XXYLT1: variants seen among roughly 807,000 people sequenced by gnomAD.
XXYLT1 encodes the protein xyloside xylosyltransferase 1.
XXYLT1 carries 20 observed loss-of-function variants against 28.9 expected under a neutral mutation model. The observed-to-expected ratio is 0.69, with a 90% CI of 0.49 to 1.00. XXYLT1 has a LOEUF of 1.00. XXYLT1 is among the 50% of genes least tolerant of loss of function. XXYLT1 has a pLI of 0.00. For missense variants in XXYLT1, 542 were observed against 560.1 expected, an observed-to-expected ratio of 0.97 and a Z score of 0.33; for synonymous variants, 257 against 253.8, an observed-to-expected ratio of 1.01 and a Z score of -0.12.
chr3:195,089,207 TC>T (rs1460688742), intron 3 of XXYLT1, among the ~76,000 whole-genome samples: 1 of 151,566 alleles, frequency 6.6e-6, no homozygotes. Context: ...GAAGAGCAAC[TC>T]CAAGACACAT....
rs938432865 is a variant in XXYLT1 at position 195,129,924 on chromosome 3, A to G, written c.785+26525T>C. Among the ~76,000 whole-genome samples the G allele has an allele frequency of 2.6e-5, 4 of 151,944 alleles. No individual in the cohort carries two copies. The highest frequency in any genetic ancestry group is 4.4e-5 in the Non-Finnish European group (3 of 67,986). On this transcript the variant is annotated intron_variant, in intron 3 of 3. Transcript: ENST00000310380. The surrounding 1 kb of genome is among the most constrained non-coding windows in gnomAD (Gnocchi z 4.4). ...AGCAGCTGTACCACTTCATATTCCC[A>G]CCACCAGTGAGTGCGGGTTCCCATG...
At chr3:195,178,070 C>T (rs1721762410) in intron 2 of XXYLT1, among the ~76,000 whole-genome samples, 1 of 151,572 alleles carries the variant, frequency 6.6e-6, no homozygotes, top group Non-Finnish European at 1.5e-5. Flanking sequence ...TTGTATTAAA[C>T]ATTTGATCTT....
At chr3:195,119,846 G>A (rs1718253281) in intron 3 of XXYLT1, among the ~76,000 whole-genome samples, 1 of 151,784 alleles carries the variant, frequency 6.6e-6, no homozygotes, top group Non-Finnish European at 1.5e-5. Flanking sequence ...AAGAACAATA[G>A]CTGGGGAGCC....
intron 3 of XXYLT1, 26 bp from the exon 4 acceptor site, chr3:195,070,137 TCCGG>T (rs1714719650): frequency 2.0e-6 from 3 of 1,520,176 alleles, no homozygotes; most frequent in East Asian, 2.3e-5. Context: ...ACAGAGTTAG[TCCGG>T]TGTGCAGGGG....
Position 195,212,138 on chromosome 3 carries a change from G to A in XXYLT1, c.652+14571C>T, listed in dbSNP as rs1277833246. On this transcript the variant is annotated intron_variant, in intron 2 of 3. Coordinates refer to ENST00000310380, the MANE Select transcript of XXYLT1 (RefSeq NM_152531.5). ...AGGGGGCAAGCCACGGAATGCCACC[G>A]GGAAGATCTGGAGGAGGAGAGGGGG... 9.5e-4 allele frequency among the ~76,000 whole-genome samples: 125 copies of A among 131,354 alleles called. 1 individual carries two copies. Among genetic ancestry groups the A allele is most frequent in the Middle Eastern group, 5.3e-3 (1 of 188 alleles). The allele number at this position is 131,354 out of a possible 152,430, so 86.2% of individuals were successfully genotyped here. A position where few individuals can be genotyped will look rare whatever the true frequency, so the allele number is the denominator to read the frequency against.
chr3:195,072,047 C>T (rs542376070), intron 3 of XXYLT1, among the ~76,000 whole-genome samples: 7 of 152,298 alleles, frequency 4.6e-5, no homozygotes, highest in Admixed American at 4.6e-4. Flanking sequence ...AGAGGACTCA[C>T]CCAGCTGGGG....
rs1246106803 is a variant in XXYLT1, at chr3:195,225,729, G to C, written c.652+980C>G. Among the ~76,000 whole-genome samples the C allele has an allele frequency of 2.0e-5, 3 of 151,860 alleles. No homozygotes were observed. The East Asian group carries it at 5.8e-4, about 29-fold the overall frequency. The stretch of plus-strand genomic sequence containing the variant: ...GTTCCCATAATCCCCACATGTGGTG[G>C]GGGGGACCTGGTGGGGGGTAATTTA... On this transcript the variant is annotated intron_variant, in intron 2 of 3. Coordinates refer to ENST00000310380, the MANE Select transcript of XXYLT1 (RefSeq NM_152531.5).
chr3:195,165,037 C>T (rs1303286936), intron 2 of XXYLT1, among the ~76,000 whole-genome samples: 1 of 152,052 alleles, frequency 6.6e-6, no homozygotes, highest in Non-Finnish European at 1.5e-5. Context: ...CCTGGACTTC[C>T]CCGCCTTCCT....
chr3:195,197,300 G>C (rs900043480), intron 2 of XXYLT1, among the ~76,000 whole-genome samples: 6 of 152,126 alleles, frequency 3.9e-5, no homozygotes, highest in Non-Finnish European at 8.8e-5. Flanking sequence ...AGCCGGGCGT[G>C]GTGGTGCACG....
At chr3:195,117,996 T>C (rs2108608523) in intron 3 of XXYLT1, among the ~76,000 whole-genome samples, 1 of 152,292 alleles carries the variant, frequency 6.6e-6, no homozygotes, top group Middle Eastern at 3.4e-3. Flanking sequence ...TGATGCTGAA[T>C]TTCACCCCTT....
chr3:195,074,410 T>G (rs1249958131), intron 3 of XXYLT1, among the ~76,000 whole-genome samples: 1 of 152,144 alleles, frequency 6.6e-6, no homozygotes, highest in Non-Finnish European at 1.5e-5. Flanking sequence ...GGCTGTGCAG[T>G]CAGTGAGGCC....
chr3:195,071,889 G>A (rs12635047), intron 3 of XXYLT1, among the ~76,000 whole-genome samples: 27,409 of 152,048 alleles, frequency 0.18, 2,800 homozygotes, highest in East Asian at 0.43. Context: ...GGAACGAAGC[G>A]TTTACCGAGG....
At chr3:195,120,916 C>G (rs991812496) in intron 3 of XXYLT1, among the ~76,000 whole-genome samples, 8 of 152,200 alleles carry the variant, frequency 5.3e-5, no homozygotes, top group Non-Finnish European at 8.8e-5. Context: ...CTTACTCCCC[C>G]AAACCCTCAC....
intron 3 of XXYLT1, among the ~76,000 whole-genome samples, chr3:195,080,750 T>C (rs973178748): frequency 2.0e-5 from 3 of 152,060 alleles, no homozygotes; most frequent in African/African-American, 7.2e-5. Context: ...TGTGTGGAAT[T>C]TAACCTTGTG....
In XXYLT1 at chr3:195,180,864, G is replaced by A. The variant is rs774482817; in HGVS notation, c.653-24283C>T. Among the ~76,000 whole-genome samples the A allele has an allele frequency of 2.6e-5, 4 of 152,198 alleles. No individual in the cohort carries two copies. Among genetic ancestry groups the A allele is most frequent in the African/African-American group, 4.8e-5 (2 of 41,454 alleles). ...GTGAGGGGTCCTCAAGGCCACTGTC[G>A]CCCAGACCTTTAGCTATACAAAAGT... On this transcript the variant is annotated intron_variant, in intron 2 of 3. Transcript: ENST00000310380. The surrounding 1 kb of genome is among the most constrained non-coding windows in gnomAD (Gnocchi z 5.8).
Position 195,211,087 on chromosome 3 carries a change from G to A in XXYLT1, c.652+15622C>T, listed in dbSNP as rs148464662. On this transcript the variant is annotated intron_variant, in intron 2 of 3. Transcript: ENST00000310380. ...ATTCCACCCCCAAAGGTTCTCCAGT[G>A]GGGTTCAGAAAAAGGGCAAAGGCAG... is the stretch of plus-strand genomic sequence containing the variant. Among the ~76,000 whole-genome samples the A allele has an allele frequency of 5.4e-3, 816 of 152,290 alleles. 6 individuals are homozygous for A. Among genetic ancestry groups the A allele is most frequent in the Middle Eastern group, 0.01 (3 of 294 alleles).
intron 2 of XXYLT1, chr3:195,175,749 C>T: frequency 6.5e-7 from 1 of 1,532,132 alleles, no homozygotes. Context: ...GAAGCCACTG[C>T]AGGGCCTCAG....
At position 195,229,092 on chromosome 3, in the gene XXYLT1, A is replaced by T. The variant is rs556235965; in HGVS notation, c.505-2236T>A. 1.0e-3 allele frequency among the ~76,000 whole-genome samples: 153 copies of T among 152,292 alleles called. 1 individual carries two copies. Among genetic ancestry groups the T allele is most frequent in the African/African-American group, 3.5e-3 (147 of 41,560 alleles). ...CCTCCCAAAGTGTTGGATTACAGGT[A>T]TGAGCCACCGCGCCCGGCCTGTATC... On this transcript the variant is annotated intron_variant, in intron 1 of 3. Coordinates refer to ENST00000310380, the MANE Select transcript of XXYLT1 (RefSeq NM_152531.5).
intron 1 of XXYLT1, among the ~76,000 whole-genome samples, chr3:195,251,143 T>C (rs1200313293): frequency 6.6e-6 from 1 of 152,204 alleles, no homozygotes; most frequent in African/African-American, 2.4e-5. Flanking sequence ...CAAGTCATCC[T>C]CGCACGAGGC....
Sources: gnomAD v4.1 joint callset for allele counts (sites outside exome capture counted in the v4.1 genomes callset) on GRCh38, gnomAD v4.1.1 for gene constraint, Gnocchi (gnomAD v3.1) non-coding constraint, MANE v1.5 for transcripts, NCBI Gene and HGNC (gene_info 2026-07-23, HGNC 2026-07-21) for gene names.